The following DYNC2I1 variants were observed in gnomAD, a reference collection of about 807,000 sequenced individuals.
DYNC2I1 encodes dynein 2 intermediate chain 1.
Under a neutral mutation model 133.4 loss-of-function variants are expected in DYNC2I1, and 89 were observed. The observed-to-expected ratio is 0.67, with a 90% CI of 0.56 to 0.80. The LOEUF (loss-of-function observed/expected upper bound fraction) is 0.80, where lower values mean the gene tolerates loss of function less well. DYNC2I1 is among the 30% of genes least tolerant of loss of function. The pLI, the probability that DYNC2I1 is intolerant of heterozygous loss-of-function variation, is 0.00. For synonymous variants in DYNC2I1, 504 were observed against 484.3 expected (o/e 1.04, Z -0.54); for missense variants, 1,291 against 1,314.5 (o/e 0.98, Z 0.28).
intron 14 of DYNC2I1, among the ~76,000 whole-genome samples, chr7:158,917,002 T>A (rs1848422782): frequency 2.7e-5 from 1 of 36,710 alleles, no homozygotes; most frequent in Non-Finnish European, 6.8e-5. Context: ...TAAGGATGAT[T>A]GTGAAACGTC....
chr7:158,912,886 A>G (rs1847625762), intron 12 of DYNC2I1, 99 bp from the exon 13 acceptor site: 3 of 823,822 alleles, frequency 3.6e-6, no homozygotes. Flanking sequence ...ATGCTTTGAT[A>G]CTTACTTTTG....
chr7:158,895,521 C>T (rs773452564), intron 8 of DYNC2I1, among the ~76,000 whole-genome samples: 6 of 152,200 alleles, frequency 3.9e-5, no homozygotes, highest in Non-Finnish European at 7.3e-5. Context: ...TTCGCCAGTA[C>T]ACACTGTCTT....
chr7:158,842,092 C>T, the DYNC2I1 span, among the ~76,000 whole-genome samples: 1 of 152,108 alleles, frequency 6.6e-6, no homozygotes, highest in Non-Finnish European at 1.5e-5. Flanking sequence ...GCAGTGGCAC[C>T]ATCCCAGCTC....
intron 14 of DYNC2I1, among the ~76,000 whole-genome samples, chr7:158,917,484 A>G (rs1322180605): frequency 2.6e-5 from 2 of 77,680 alleles, no homozygotes; most frequent in Admixed American, 1.2e-4. Context: ...TCCACCTCTC[A>G]CTAAACACCT....
At chr7:158,899,703 T>C (rs1471934764) in intron 8 of DYNC2I1, among the ~76,000 whole-genome samples, 1 of 152,214 alleles carries the variant, frequency 6.6e-6, no homozygotes, top group Non-Finnish European at 1.5e-5. Context: ...GATGGGTTTA[T>C]CAGGGGTTTC....
intron 11 of DYNC2I1, among the ~76,000 whole-genome samples, chr7:158,909,689 G>A (rs533399565): frequency 5.3e-5 from 8 of 152,274 alleles, no homozygotes; most frequent in Non-Finnish European, 8.8e-5. Flanking sequence ...CTGAAGAGCC[G>A]AGGTCCTGGA....
At chr7:158,883,649 C>A (rs1456354744) in intron 5 of DYNC2I1, among the ~76,000 whole-genome samples, 1 of 149,086 alleles carries the variant, frequency 6.7e-6, no homozygotes. Context: ...GCTTCCTGAC[C>A]AGTGACTTCT....
Position 158,938,877 on chromosome 7 carries a change from T to G in DYNC2I1, c.2779-3048T>G, listed in dbSNP as rs570751950. Among the ~76,000 whole-genome samples the G allele has an allele frequency of 3.9e-5, 6 of 152,314 alleles. No individual in the cohort carries two copies. In the South Asian group the frequency reaches 8.3e-4, roughly 21 times the overall value. On this transcript the variant is annotated intron_variant, in intron 23 of 24. Coordinates refer to ENST00000407559, the MANE Select transcript of DYNC2I1 (RefSeq NM_018051.5). Reference sequence around the variant, plus strand: ...AAACCCATTCATGTAATTAAATACATGGACAAACCCAGAATACTGTGTTAC... The same window carrying G: ...AAACCCATTCATGTAATTAAATACAGGGACAAACCCAGAATACTGTGTTAC...
chr7:158,934,073 T>G, intron 21 of DYNC2I1, 56 bp from the exon 22 acceptor site: 1 of 1,235,312 alleles, frequency 8.1e-7, no homozygotes, highest in Middle Eastern at 2.2e-4. Context: ...AATACCATCA[T>G]TATTCTTAAG....
chr7:158,939,713 C>T (rs1851134661), intron 23 of DYNC2I1, among the ~76,000 whole-genome samples: 1 of 152,126 alleles, frequency 6.6e-6, no homozygotes, highest in South Asian at 2.1e-4. Flanking sequence ...CAACTGTAGG[C>T]TGCTCTCAAG....
At chr7:158,905,290 G>A (rs1846679149) in intron 10 of DYNC2I1, 5 of 323,136 alleles carry the variant, frequency 1.5e-5, no homozygotes, top group East Asian at 8.8e-5. Context: ...ACAGGTGCTC[G>A]TCACCATGCC....
intron 7 of DYNC2I1, among the ~76,000 whole-genome samples, chr7:158,890,686 G>T (rs376796685): frequency 2.6e-5 from 4 of 151,604 alleles, no homozygotes; most frequent in African/African-American, 9.7e-5. Context: ...AGATTTTCCT[G>T]CCTCAGCCTC....
intron 24 of DYNC2I1, among the ~76,000 whole-genome samples, chr7:158,943,584 G>C (rs1001557313): frequency 1.3e-5 from 2 of 152,180 alleles, no homozygotes; most frequent in African/African-American, 4.8e-5. Flanking sequence ...GGGCAGGGGC[G>C]GGTAGCACAC....
At chr7:158,901,928 C>A in intron 9 of DYNC2I1, 112 bp downstream of exon 9, 1 of 814,376 alleles carries the variant, frequency 1.2e-6, no homozygotes, top group Non-Finnish European at 1.9e-6. Flanking sequence ...TCCTAATACT[C>A]AATATCTGGC....
At chr7:158,883,658 CTTTTTTTTTTTTT>C (rs762388455) in intron 5 of DYNC2I1, among the ~76,000 whole-genome samples, 10 of 86,162 alleles carry the variant, frequency 1.2e-4, no homozygotes, top group African/African-American at 5.0e-4. Context: ...CCAGTGACTT[CTTTTTTTTTTTTT>C]TTTTTTTTTT....
chr7:158,849,687 G>A, the DYNC2I1 span, among the ~76,000 whole-genome samples: 9 of 152,158 alleles, frequency 5.9e-5, 1 homozygote, highest in South Asian at 2.1e-4. Context: ...AGCTCTCAGC[G>A]GAGAGGAGGC....
In DYNC2I1 at chr7:158,888,540, C is replaced by G. The variant is rs1185707151; in HGVS notation, c.990+1465C>G. Among the ~76,000 whole-genome samples, 3 of 151,728 alleles carry G rather than the reference C, an allele frequency of 2.0e-5. No homozygotes were observed. In the South Asian group the frequency reaches 6.2e-4, roughly 32 times the overall value. Reference sequence around the variant, plus strand: ...AGGCTGGAGTGCAGTGGCGTGATCTCAGCTCACCTCAACCTCTGCCTCCTG... The same window carrying G: ...AGGCTGGAGTGCAGTGGCGTGATCTGAGCTCACCTCAACCTCTGCCTCCTG... On this transcript the variant is annotated intron_variant, in intron 7 of 24. Coordinates refer to ENST00000407559, the MANE Select transcript of DYNC2I1 (RefSeq NM_018051.5).
Position 158,871,153 on chromosome 7 carries a change from A to G in DYNC2I1, c.81A>G (p.Ser27=), listed in dbSNP as rs1241493820. The change falls in exon 3 of 25, where the codon TCA becomes TCG. Residue 27 remains serine (S), a synonymous_variant. Transcript: ENST00000407559. The part of the protein sequence containing the change: ...DLRKHLWAIQ[S]GGSKEERKHR... ...TTCTCTTGTTTCAGGCCATACAGTCAGGTGGTTCCAAGGAAGAAAGAAAGC... is the reference window on the plus strand; with the variant it reads ...TTCTCTTGTTTCAGGCCATACAGTCGGGTGGTTCCAAGGAAGAAAGAAAGC... 6.2e-7 allele frequency: 1 copy of G among 1,612,882 alleles called. No individual in the cohort carries two copies.
chr7:158,905,393 G>A (rs928023533), intron 10 of DYNC2I1: 10 of 238,720 alleles, frequency 4.2e-5, no homozygotes, highest in Non-Finnish European at 6.7e-5. Flanking sequence ...CGCCTGCCTC[G>A]GCCTCCCAGA....
Sources: gnomAD v4.1 joint callset for allele counts (sites outside exome capture counted in the v4.1 genomes callset) on GRCh38, gnomAD v4.1.1 for gene constraint, MANE v1.5 for transcripts, NCBI Gene and HGNC (gene_info 2026-07-23, HGNC 2026-07-21) for gene names.